KIAA1328: variants seen among roughly 807,000 people sequenced by gnomAD.
KIAA1328 encodes the protein protein hinderin.
KIAA1328 carries 52 observed loss-of-function variants against 68.1 expected under a neutral mutation model. The ratio of observed to expected loss-of-function variants is 0.76; its 90% CI spans 0.61 to 0.96. The LOEUF (loss-of-function observed/expected upper bound fraction) is 0.96, where lower values mean the gene tolerates loss of function less well. KIAA1328 is among the 40% of genes least tolerant of loss of function. The pLI is 0.00. For synonymous variants in KIAA1328, 232 were observed against 239.4 expected (o/e 0.97, Z 0.28); for missense variants, 641 against 677.6 (o/e 0.95, Z 0.60).
chr18:37,131,431 G>C (rs762195044), intron 7 of KIAA1328, among the ~76,000 whole-genome samples: 34 of 152,150 alleles, frequency 2.2e-4, no homozygotes, highest in Non-Finnish European at 4.0e-4. Context: ...CACTGTAAGA[G>C]AGGTTTGCAT....
At chr18:37,017,076 C>T (rs2054177850) in intron 6 of KIAA1328, among the ~76,000 whole-genome samples, 2 of 152,078 alleles carry the variant, frequency 1.3e-5, no homozygotes, top group African/African-American at 4.8e-5. Context: ...AATTTGAGAT[C>T]TTCCTAACTT....
chr18:36,912,741 A>G (rs908667177), intron 5 of KIAA1328, among the ~76,000 whole-genome samples: 1 of 152,162 alleles, frequency 6.6e-6, no homozygotes, highest in African/African-American at 2.4e-5. Context: ...TTATCAGCTC[A>G]AAAGTTTCGA....
chr18:36,944,802 A>T (rs1205598384), intron 5 of KIAA1328, among the ~76,000 whole-genome samples: 1 of 152,300 alleles, frequency 6.6e-6, no homozygotes, highest in South Asian at 2.1e-4. Context: ...TAAAACCCCA[A>T]ATCAGGTTGT....
At chr18:37,134,847 C>T (rs1484616586) in intron 7 of KIAA1328, among the ~76,000 whole-genome samples, 1 of 152,110 alleles carries the variant, frequency 6.6e-6, no homozygotes, top group East Asian at 1.9e-4. Flanking sequence ...CAACCCTTGC[C>T]CTGTCCCTCA....
At chr18:37,109,797 A>G (rs933232349) in intron 7 of KIAA1328, among the ~76,000 whole-genome samples, 2 of 152,164 alleles carry the variant, frequency 1.3e-5, no homozygotes, top group Non-Finnish European at 2.9e-5. Context: ...TTTTCTTCCT[A>G]GAAGAAATAA....
chr18:37,077,233 CTG>C (rs2056772053), intron 7 of KIAA1328, among the ~76,000 whole-genome samples: 1 of 140,240 alleles, frequency 7.1e-6, no homozygotes, highest in African/African-American at 3.1e-5. Flanking sequence ...AAGACAAAAA[CTG>C]CACGATTATC....
chr18:36,869,506 A>G (rs1004371586), intron 4 of KIAA1328, among the ~76,000 whole-genome samples: 3 of 152,134 alleles, frequency 2.0e-5, no homozygotes, highest in Non-Finnish European at 4.4e-5. Flanking sequence ...TGCTAGATCT[A>G]CTCAGAATTA....
chr18:37,190,970 A>G lies in KIAA1328; in HGVS notation c.1523+17889A>G, dbSNP rs148940464. On this transcript the variant is annotated intron_variant, in intron 9 of 9. Transcript: ENST00000280020. ...AGTCTGTCTGGGTCTTTTTACTGCT[A>G]GAGCACTTGGGAGAAACCCTAGTTG... Among the ~76,000 whole-genome samples the G allele has an allele frequency of 4.0e-3, 604 of 152,348 alleles. 5 individuals carry two copies. The highest frequency in any genetic ancestry group is 0.014 in the African/African-American group (571 of 41,582).
At chr18:37,127,813 G>A (rs528336411) in intron 7 of KIAA1328, among the ~76,000 whole-genome samples, 1 of 152,088 alleles carries the variant, frequency 6.6e-6, no homozygotes, top group Non-Finnish European at 1.5e-5. Flanking sequence ...ATGATTTCAA[G>A]ACTTGCTATA....
chr18:36,898,720 A>G (rs1198611552), intron 5 of KIAA1328, among the ~76,000 whole-genome samples: 1 of 152,024 alleles, frequency 6.6e-6, no homozygotes, highest in Non-Finnish European at 1.5e-5. Flanking sequence ...AAGCTTCACC[A>G]TGATTTGCAA....
intron 7 of KIAA1328, among the ~76,000 whole-genome samples, chr18:37,110,761 TA>T (rs2057907914): frequency 6.6e-6 from 1 of 152,218 alleles, no homozygotes; most frequent in Admixed American, 6.5e-5. Context: ...ATTTTGTTTA[TA>T]AAGTGTCTGA....
chr18:36,838,774 G>A lies in KIAA1328; in HGVS notation c.237+3398G>A, dbSNP rs555418681. 1.1e-4 allele frequency among the ~76,000 whole-genome samples: 16 copies of A among 151,858 alleles called. No homozygotes were observed. In the South Asian group the frequency reaches 1.7e-3, roughly 16 times the overall value. On this transcript the variant is annotated intron_variant, in intron 3 of 9. Transcript: ENST00000280020. ...TTTTGAGGTGCAGAGTTGCTGTGTC[G>A]CCCAGGCTAGAGTGCAGTGGCACGA... is the stretch of plus-strand genomic sequence containing the variant.
chr18:36,944,694 A>T (rs2050836753), intron 5 of KIAA1328, among the ~76,000 whole-genome samples: 1 of 152,166 alleles, frequency 6.6e-6, no homozygotes, highest in Non-Finnish European at 1.5e-5. Flanking sequence ...AGTGAAAGAG[A>T]TTTAAGGAGC....
At chr18:36,920,578 CT>C (rs1418262612) in intron 5 of KIAA1328, among the ~76,000 whole-genome samples, 1 of 152,128 alleles carries the variant, frequency 6.6e-6, no homozygotes, top group African/African-American at 2.4e-5. Flanking sequence ...TGCATTAAAG[CT>C]TTATTAGAAT....
intron 6 of KIAA1328, among the ~76,000 whole-genome samples, chr18:37,039,419 A>AT (rs57874276): frequency 1.8e-4 from 26 of 145,306 alleles, no homozygotes; most frequent in African/African-American, 3.5e-4. Flanking sequence ...TTTGTTTTTA[A>AT]TTTTTTTTTT....
At chr18:36,968,769 T>C (rs886770267) in intron 6 of KIAA1328, among the ~76,000 whole-genome samples, 2 of 152,072 alleles carry the variant, frequency 1.3e-5, no homozygotes, top group Admixed American at 6.6e-5. Context: ...ACCTGAACAC[T>C]GGACCAAATG....
chr18:37,149,894 G>GA (rs796105149), intron 7 of KIAA1328, among the ~76,000 whole-genome samples: 2 of 151,838 alleles, frequency 1.3e-5, no homozygotes, highest in Admixed American at 1.3e-4. Flanking sequence ...ACTATGAAAA[G>GA]AAAAAAATTA....
At chr18:37,094,576 A>C (rs1434231122) in intron 7 of KIAA1328, among the ~76,000 whole-genome samples, 1 of 152,200 alleles carries the variant, frequency 6.6e-6, no homozygotes, top group Non-Finnish European at 1.5e-5. Flanking sequence ...AAGCAGATAC[A>C]CAAATGAGGA....
chr18:37,223,796 G>A lies in KIAA1328; in HGVS notation c.*1569G>A. On this transcript the variant is annotated 3_prime_UTR_variant, in exon 10 of 10. Transcript: ENST00000280020. Reference sequence around the variant, plus strand: ...GTCTCTTCAGGCTGAGACTGGCGCTGTCACCTCCACCCAGCCTTCTTTCAC... The same window carrying A: ...GTCTCTTCAGGCTGAGACTGGCGCTATCACCTCCACCCAGCCTTCTTTCAC... 1 of 985,362 alleles carries A rather than the reference G, an allele frequency of 1.0e-6. No homozygotes were observed. The highest frequency in any genetic ancestry group is 1.2e-6 in the Non-Finnish European group (1 of 829,902). 61.0% of individuals were successfully genotyped at this position (985,362 alleles called of 1,614,324 possible).
Sources: gnomAD v4.1 joint callset for allele counts (sites outside exome capture counted in the v4.1 genomes callset) on GRCh38, gnomAD v4.1.1 for gene constraint, MANE v1.5 for transcripts, NCBI Gene and HGNC (gene_info 2026-07-23, HGNC 2026-07-21) for gene names.